The following GRIP1 variants were observed in gnomAD, a reference collection of about 807,000 sequenced individuals.
The protein encoded by GRIP1 is glutamate receptor-interacting protein 1.
A neutral mutation model predicts 129.9 loss-of-function variants in GRIP1; 45 were observed. The ratio of observed to expected loss-of-function variants is 0.35; its 90% CI spans 0.27 to 0.44. GRIP1 has a LOEUF of 0.44. Among genes scored for constraint, GRIP1 ranks in the 20% least tolerant of loss-of-function variants. GRIP1 has a pLI of 1.00. For synonymous variants in GRIP1, 530 were observed against 520.8 expected, an observed-to-expected ratio of 1.02 and a Z score of -0.24; for missense variants, 1,196 against 1,396.8, an observed-to-expected ratio of 0.86 and a Z score of 2.29.
intron 1 of GRIP1, among the ~76,000 whole-genome samples, chr12:66,979,231 A>AC (rs1566103932): frequency 6.8e-5 from 5 of 73,126 alleles, no homozygotes; most frequent in Admixed American, 3.2e-4. Context: ...TTAAAAAAAA[A>AC]AAAAAAAAAA....
rs1565651008 is a variant in GRIP1 at position 66,347,570 on chromosome 12, A to AAAG, written c.*1446_*1448dup. On this transcript the variant is annotated 3_prime_UTR_variant, in exon 25 of 25. Coordinates refer to ENST00000359742, the MANE Select transcript of GRIP1 (RefSeq NM_001366722.1). ...CATAGACGATAAATACCATGCTATT[A>AAAG]AAGTATTAAATTTGTACAAAAATAC... is the stretch of plus-strand genomic sequence containing the variant. The AAAG allele has an allele frequency of 2.0e-5, 3 of 152,362 alleles. No homozygotes were observed. Among genetic ancestry groups the AAAG allele is most frequent in the Admixed American group, 1.3e-4 (2 of 15,300 alleles). The allele number at this position is 152,362 out of a possible 1,614,324, so 9.4% of individuals were successfully genotyped here.
intron 11 of GRIP1, among the ~76,000 whole-genome samples, chr12:66,451,075 T>C (rs1003796561): frequency 1.3e-5 from 2 of 152,150 alleles, no homozygotes; most frequent in African/African-American, 2.4e-5. Flanking sequence ...AATGACTAAA[T>C]TGCTGACATC....
At chr12:67,040,175 G>A (rs893084595) in intron 1 of GRIP1, among the ~76,000 whole-genome samples, 1 of 152,064 alleles carries the variant, frequency 6.6e-6, no homozygotes, top group African/African-American at 2.4e-5. Context: ...CCAGAGTAGA[G>A]AGATAATCAT....
chr12:66,561,266 T>G (rs1166569275), intron 2 of GRIP1, among the ~76,000 whole-genome samples: 1 of 152,122 alleles, frequency 6.6e-6, no homozygotes, highest in Admixed American at 6.6e-5. Flanking sequence ...GATGCAGTAT[T>G]TGATAACACA....
chr12:66,505,661 T>C (rs889766600), intron 7 of GRIP1, among the ~76,000 whole-genome samples: 7 of 152,224 alleles, frequency 4.6e-5, no homozygotes, highest in Non-Finnish European at 1.0e-4. Context: ...TAATTTTATA[T>C]ATTCTTCCAA....
At chr12:66,366,144 T>C (rs1264241504) in intron 23 of GRIP1, among the ~76,000 whole-genome samples, 4 of 152,224 alleles carry the variant, frequency 2.6e-5, no homozygotes, top group Admixed American at 2.0e-4. Flanking sequence ...CAGTACACAA[T>C]TCTACACTAG....
chr12:66,515,669 T>C lies in GRIP1; in HGVS notation c.674A>G (p.Gln225Arg). 1 of 1,613,558 alleles carries C rather than the reference T, an allele frequency of 6.2e-7. No homozygotes were observed. Among genetic ancestry groups the C allele is most frequent in the Non-Finnish European group, 8.5e-7 (1 of 1,179,536 alleles). Residue 225 changes from glutamine (Q) to arginine (R), a missense_variant, in exon 7 of 25, where the codon CAA becomes CGA. By Grantham distance (43) the Gln-to-Arg change is conservative (BLOSUM62 1). Transcript: ENST00000359742. ...CAGCAGTGCTGCTTCTTGTCCACAT[T>C]GTTTAAGAATACTCATGGCTTCAGC... ...THAEAMSILK[Q>R]CGQEAALLIE...
chr12:66,652,228 C>T (rs531277241), intron 1 of GRIP1, among the ~76,000 whole-genome samples: 35 of 152,208 alleles, frequency 2.3e-4, no homozygotes, highest in African/African-American at 7.9e-4. Flanking sequence ...GAGGGAGGGA[C>T]CTCTTAGGAG....
rs17103024 is a variant in GRIP1, at chr12:66,882,798, T to C, written c.58+186252A>G. 8.2e-3 allele frequency among the ~76,000 whole-genome samples: 1,255 copies of C among 152,284 alleles called. 19 individuals are homozygous for C. The highest frequency in any genetic ancestry group is 0.029 in the African/African-American group (1,189 of 41,550). ...ACCTTCCCCATGGTCTCCTTTTAGC[T>C]TCACAGTAGCCCTGTGGGCCAGAAG... On this transcript the variant is annotated intron_variant, in intron 1 of 1. Coordinates refer to the GRIP1 transcript ENST00000643019.
chr12:66,844,181 G>C (rs188776010), intron 1 of GRIP1, among the ~76,000 whole-genome samples: 103 of 151,884 alleles, frequency 6.8e-4, no homozygotes, highest in African/African-American at 2.2e-3. Context: ...TGGCCAATTA[G>C]CACACAAAAA....
chr12:67,022,962 G>T (rs1483055945), intron 1 of GRIP1, among the ~76,000 whole-genome samples: 1 of 151,940 alleles, frequency 6.6e-6, no homozygotes, highest in Non-Finnish European at 1.5e-5. Flanking sequence ...TATATTCTTT[G>T]CTTAAGTACC....
intron 1 of GRIP1, among the ~76,000 whole-genome samples, chr12:66,766,141 A>G (rs921790252): frequency 2.0e-5 from 3 of 152,174 alleles, no homozygotes; most frequent in Non-Finnish European, 4.4e-5. Flanking sequence ...CTGGCTGACA[A>G]CTCGAAACAC....
At chr12:66,795,066 T>C (rs1793020504) in intron 1 of GRIP1, among the ~76,000 whole-genome samples, 1 of 152,336 alleles carries the variant, frequency 6.6e-6, no homozygotes, top group South Asian at 2.1e-4. Context: ...TGAAATGTAC[T>C]GAGCAAAGTT....
In GRIP1 at chr12:67,068,751, C is replaced by A. The variant is rs1463777786; in HGVS notation, c.58+299G>T. On this transcript the variant is annotated intron_variant, in intron 1 of 1. Transcript: ENST00000643019. ...GAGCTCCACGTGCGAGCGGGCCCTG[C>A]AGAAGCTGGAGTTTCCCCTACATCC... Among the ~76,000 whole-genome samples the A allele has an allele frequency of 4.1e-4, 60 of 147,718 alleles. 1 individual carries two copies. In the Admixed American group the frequency reaches 4.1e-3, roughly 10 times the overall value.
At chr12:66,505,132 G>T (rs1307916534) in intron 7 of GRIP1, among the ~76,000 whole-genome samples, 1 of 152,162 alleles carries the variant, frequency 6.6e-6, no homozygotes, top group Non-Finnish European at 1.5e-5. Flanking sequence ...CCTTAAAAGG[G>T]GAGATTATGT....
intron 16 of GRIP1, among the ~76,000 whole-genome samples, chr12:66,397,250 G>A (rs537416685): frequency 4.6e-5 from 7 of 151,060 alleles, no homozygotes; most frequent in Non-Finnish European, 8.8e-5. Context: ...AGTGGCTCAC[G>A]GCTGTAATCC....
intron 7 of GRIP1, among the ~76,000 whole-genome samples, chr12:66,507,979 G>A (rs2060588214): frequency 6.6e-6 from 1 of 152,110 alleles, no homozygotes; most frequent in African/African-American, 2.4e-5. Flanking sequence ...ACTTTTCTCA[G>A]TATCCTTGGT....
chr12:66,658,725 G>T (rs988484843), intron 1 of GRIP1, among the ~76,000 whole-genome samples: 3 of 151,958 alleles, frequency 2.0e-5, no homozygotes, highest in African/African-American at 7.3e-5. Context: ...GGCAACACAG[G>T]GAGATCCTGT....
At chr12:66,499,057 T>C (rs1387955365) in intron 7 of GRIP1, among the ~76,000 whole-genome samples, 1 of 152,254 alleles carries the variant, frequency 6.6e-6, no homozygotes, top group Non-Finnish European at 1.5e-5. Context: ...TCTTACATAA[T>C]ATTTTGGAAA....
Sources: allele counts gnomAD v4.1 joint callset (sites outside exome capture counted in the v4.1 genomes callset), GRCh38; gene constraint gnomAD v4.1.1; transcripts MANE v1.5; gene names NCBI Gene and HGNC (gene_info 2026-07-23, HGNC 2026-07-21).